Variants in CDH18 observed in about 807,000 individuals in gnomAD.
CDH18 encodes the protein cadherin 18.
Under a neutral mutation model 67.9 loss-of-function variants are expected in CDH18, and 31 were observed. The ratio of observed to expected loss-of-function variants is 0.46; its 90% confidence interval spans 0.34 to 0.62. The LOEUF is 0.62. CDH18 is among the 20% of genes least tolerant of loss of function. CDH18 has a pLI of 0.01. For missense variants in CDH18, 890 were observed against 975.5 expected, an observed-to-expected ratio of 0.91 and a Z score of 1.17; for synonymous variants, 362 against 347.2, an observed-to-expected ratio of 1.04 and a Z score of -0.48.
intron 3 of CDH18, among the ~76,000 whole-genome samples, chr5:19,770,210 T>G (rs1241626168): frequency 6.6e-6 from 1 of 152,052 alleles, no homozygotes; most frequent in Non-Finnish European, 1.5e-5. Flanking sequence ...TCATAAAGTA[T>G]GTGAAATTCC....
chr5:20,165,139 G>C (rs898828998), intron 2 of CDH18, among the ~76,000 whole-genome samples: 1 of 151,926 alleles, frequency 6.6e-6, no homozygotes, highest in Admixed American at 6.6e-5. Flanking sequence ...AACAAAAATG[G>C]GAAGCACATT....
chr5:20,080,079 C>G (rs937314679), intron 2 of CDH18, among the ~76,000 whole-genome samples: 33 of 152,174 alleles, frequency 2.2e-4, no homozygotes, highest in Admixed American at 7.9e-4. Flanking sequence ...CGCAAATATT[C>G]AGTTCATAGC....
chr5:20,157,067 G>T (rs1751588010), intron 2 of CDH18, among the ~76,000 whole-genome samples: 1 of 152,168 alleles, frequency 6.6e-6, no homozygotes, highest in African/African-American at 2.4e-5. Flanking sequence ...TAGTGTATAT[G>T]GCATGGGTAT....
In CDH18 at chr5:20,157,401, T is replaced by A. The variant is rs369228950; in HGVS notation, c.-518+98043A>T. ...TATGAAGAATCAGTGATAACTAATA[T>A]CATTTAAATGTTTGCTATGAGTGAA... is the stretch of plus-strand genomic sequence containing the variant. On this transcript the variant is annotated intron_variant, in intron 2 of 14. Coordinates refer to the CDH18 transcript ENST00000507958. 1.7e-3 allele frequency among the ~76,000 whole-genome samples: 264 copies of A among 152,232 alleles called. 1 individual carries two copies. The highest frequency in any genetic ancestry group is 6.0e-3 in the African/African-American group (251 of 41,552).
chr5:19,600,813 T>C lies in CDH18; in HGVS notation c.812-9569A>G, dbSNP rs538767279. On this transcript the variant is annotated intron_variant, in intron 6 of 12. Coordinates refer to ENST00000382275, the MANE Select transcript of CDH18 (RefSeq NM_004934.5). ...TTTTCTTATCTGGAAAAATTAAATG[T>C]ATTGGTAGCACTTATGATTTAAATG... Among the ~76,000 whole-genome samples, 11 of 152,254 alleles carry C rather than the reference T, an allele frequency of 7.2e-5. No individual in the cohort carries two copies. In the South Asian group the frequency reaches 2.3e-3, roughly 32 times the overall value.
chr5:20,248,609 A>G (rs1033187971), intron 2 of CDH18, among the ~76,000 whole-genome samples: 1 of 152,194 alleles, frequency 6.6e-6, no homozygotes, highest in Non-Finnish European at 1.5e-5. Context: ...CTCTATCTAG[A>G]AACCAGAGTT....
chr5:20,186,267 A>G (rs113183229), intron 2 of CDH18, among the ~76,000 whole-genome samples: 3,530 of 152,042 alleles, frequency 0.023, 123 homozygotes, highest in African/African-American at 0.08. Flanking sequence ...ATGATATCAC[A>G]ACAACACAAG....
At chr5:19,520,604 A>G in intron 10 of CDH18, 53 bp downstream of exon 10, 2 of 1,505,672 alleles carry the variant, frequency 1.3e-6, no homozygotes, top group East Asian at 4.8e-5. Flanking sequence ...ATAAAAATAA[A>G]GGCGCTTGCA....
chr5:20,535,896 A>C (rs1373578073), intron 1 of CDH18, among the ~76,000 whole-genome samples: 1 of 151,884 alleles, frequency 6.6e-6, no homozygotes. Flanking sequence ...ATTCTAATCT[A>C]TGTTTCCTAA....
chr5:20,493,949 C>CAA (rs879513015), intron 1 of CDH18, among the ~76,000 whole-genome samples: 37 of 145,826 alleles, frequency 2.5e-4, no homozygotes, highest in African/African-American at 6.7e-4. Flanking sequence ...ACAAAAACAG[C>CAA]AAAAAAAAAA....
chr5:20,159,749 A>C (rs1406580537), intron 2 of CDH18, among the ~76,000 whole-genome samples: 2 of 152,156 alleles, frequency 1.3e-5, no homozygotes, highest in African/African-American at 2.4e-5. Flanking sequence ...TTTAAGCATA[A>C]ATTTTATTAC....
chr5:20,287,704 T>C (rs1283821839), intron 1 of CDH18, among the ~76,000 whole-genome samples: 1 of 151,778 alleles, frequency 6.6e-6, no homozygotes, highest in Non-Finnish European at 1.5e-5. Context: ...GTAAATCCAA[T>C]TGAAAACATT....
intron 2 of CDH18, among the ~76,000 whole-genome samples, chr5:19,957,337 AATTTAT>A (rs1796346729): frequency 6.6e-6 from 1 of 151,042 alleles, no homozygotes. Flanking sequence ...ATGTAATTAT[AATTTAT>A]ATTTATATGT....
intron 1 of CDH18, among the ~76,000 whole-genome samples, chr5:20,442,815 T>A (rs62352842): frequency 0.085 from 12,971 of 151,798 alleles, 1,549 homozygotes; most frequent in African/African-American, 0.25. Flanking sequence ...GCCAACAGTT[T>A]ATGAACAAGC....
chr5:19,908,654 G>A (rs1405617153), intron 2 of CDH18, among the ~76,000 whole-genome samples: 5 of 151,814 alleles, frequency 3.3e-5, no homozygotes, highest in African/African-American at 9.7e-5. Context: ...TATATTATCC[G>A]TGCATACAAA....
rs56036253 is a variant in CDH18 at position 20,102,215 on chromosome 5, AGT to A, written c.-517-110203_-517-110202del. ...TGAGATTGTATTCAGTGTTATGTGC[AGT>A]GTGTGTGTGTGTGTGTGTGTGTGTG... is the stretch of plus-strand genomic sequence containing the variant. On this transcript the variant is annotated intron_variant, in intron 2 of 14. Coordinates refer to the CDH18 transcript ENST00000507958. Among the ~76,000 whole-genome samples, 476 of 148,884 alleles carry A rather than the reference AGT, an allele frequency of 3.2e-3. 2 individuals carry two copies. The highest frequency in any genetic ancestry group is 0.011 in the African/African-American group (435 of 40,728).
At chr5:19,738,384 T>C (rs1189943853) in intron 4 of CDH18, among the ~76,000 whole-genome samples, 2 of 152,214 alleles carry the variant, frequency 1.3e-5, no homozygotes, top group East Asian at 3.9e-4. Flanking sequence ...TATACCTCAA[T>C]GATCCATTGA....
At chr5:19,757,673 G>C (rs1814165) in intron 3 of CDH18, among the ~76,000 whole-genome samples, 1 of 152,166 alleles carries the variant, frequency 6.6e-6, no homozygotes, top group Non-Finnish European at 1.5e-5. Flanking sequence ...TGACCACTCA[G>C]AGAGGTCCAC....
intron 5 of CDH18, among the ~76,000 whole-genome samples, chr5:19,707,096 T>C (rs1405379667): frequency 1.3e-5 from 2 of 151,996 alleles, no homozygotes; most frequent in Non-Finnish European, 2.9e-5. Context: ...AACAGCCAAT[T>C]TGGGCACCAT....
Sources: allele counts gnomAD v4.1 joint callset (sites outside exome capture counted in the v4.1 genomes callset), GRCh38; gene constraint gnomAD v4.1.1; transcripts MANE v1.5; gene names NCBI Gene and HGNC (gene_info 2026-07-23, HGNC 2026-07-21).